Variants in TTC28 observed in about 807,000 individuals in gnomAD.
TTC28 encodes the protein tetratricopeptide repeat protein 28.
Under a neutral mutation model 198.0 loss-of-function variants are expected in TTC28, and 61 were observed. The observed-to-expected ratio is 0.31, with a 90% CI of 0.25 to 0.38. The LOEUF is 0.38. TTC28 is among the 10% of genes least tolerant of loss of function. The probability of loss-of-function intolerance (pLI) is 1.00; values close to 1 mark genes in which losing one functional copy is unlikely to be tolerated. For synonymous variants in TTC28, 1,171 were observed against 1,297.8 expected (o/e 0.90, Z 2.10); for missense variants, 2,678 against 3,164.0 (o/e 0.85, Z 3.69).
In TTC28 at chr22:27,981,471, C is replaced by G. The variant is rs1293817461; in HGVS notation, c.*750G>C. 2.0e-5 allele frequency: 3 copies of G among 151,816 alleles called. No homozygotes were observed. Among genetic ancestry groups the G allele is most frequent in the Non-Finnish European group, 2.9e-5 (2 of 67,948 alleles). The allele number at this position is 151,816 out of a possible 1,614,324, so 9.4% of individuals were successfully genotyped here. On this transcript the variant is annotated 3_prime_UTR_variant, in exon 23 of 23. Coordinates refer to ENST00000397906, the MANE Select transcript of TTC28 (RefSeq NM_001145418.2). ...ATAATGTTTTAAAAGCACAAAGTTGCATTTTAAATCACAATTGCATAGTTC... is the reference window on the plus strand; with the variant it reads ...ATAATGTTTTAAAAGCACAAAGTTGGATTTTAAATCACAATTGCATAGTTC...
At chr22:28,302,039 A>C (rs200442653) in intron 3 of TTC28, among the ~76,000 whole-genome samples, 1 of 145,572 alleles carries the variant, frequency 6.9e-6, no homozygotes, top group Admixed American at 6.9e-5. Flanking sequence ...TCCTGTCTCA[A>C]AATAATAATA....
intron 5 of TTC28, among the ~76,000 whole-genome samples, chr22:28,199,415 A>G (rs1601463813): frequency 9.0e-6 from 1 of 111,580 alleles, no homozygotes; most frequent in Admixed American, 9.2e-5. Flanking sequence ...ATATATATAT[A>G]TATATATGTA....
At chr22:28,059,881 G>A (rs1182388784) in intron 12 of TTC28, among the ~76,000 whole-genome samples, 1 of 138,346 alleles carries the variant, frequency 7.2e-6, no homozygotes, top group Non-Finnish European at 1.6e-5. Flanking sequence ...CCAGCCACCT[G>A]TATGATTACC....
rs1942362839 is a variant in TTC28, at chr22:28,107,894, G to C, written c.1951C>G (p.Gln651Glu). ...TGTTCGTAGTACTTCACTGCCTCCT[G>C]ATAGTTTCCAAGGCAGTAATGGGCA... ...GYAHYCLGNY[Q>E]EAVKYYEQDL... Residue 651 changes from glutamine to glutamate, a missense_variant, in exon 7 of 23, where the codon CAG (glutamine) becomes GAG (glutamate). By Grantham distance (29) the Gln-to-Glu change is conservative. Around this residue, in one of 8 missense-constraint regions of TTC28, gnomAD observed 775 missense variants for 845.9 expected, o/e 0.92. Coordinates refer to ENST00000397906, the MANE Select transcript of TTC28 (RefSeq NM_001145418.2). The C allele has an allele frequency of 6.4e-7, 1 of 1,551,648 alleles. No homozygotes were observed. The highest frequency in any genetic ancestry group is 8.7e-7 in the Non-Finnish European group (1 of 1,147,004).
At chr22:27,991,915 T>A (rs1010304498) in intron 19 of TTC28, among the ~76,000 whole-genome samples, 3 of 152,226 alleles carry the variant, frequency 2.0e-5, no homozygotes, top group African/African-American at 7.2e-5. Flanking sequence ...TGAGAGTTGC[T>A]CCTGGGTTCA....
intron 2 of TTC28, among the ~76,000 whole-genome samples, chr22:28,322,683 A>T (rs966612840): frequency 2.6e-5 from 4 of 152,242 alleles, no homozygotes; most frequent in Admixed American, 2.0e-4. Context: ...TCCTAGGCAC[A>T]TTAGTTATAT....
chr22:28,638,012 T>C (rs1477726669), intron 1 of TTC28, among the ~76,000 whole-genome samples: 1 of 152,160 alleles, frequency 6.6e-6, no homozygotes, highest in African/African-American at 2.4e-5. Context: ...GGTTTAATTA[T>C]AAATACATAT....
chr22:28,675,586 T>C (rs560018102), intron 1 of TTC28, among the ~76,000 whole-genome samples: 1 of 151,896 alleles, frequency 6.6e-6, no homozygotes, highest in African/African-American at 2.4e-5. Context: ...ACTCCATCTC[T>C]ACAGAAAATA....
At chr22:28,458,125 A>T (rs2047892832) in intron 2 of TTC28, among the ~76,000 whole-genome samples, 1 of 152,012 alleles carries the variant, frequency 6.6e-6, no homozygotes, top group African/African-American at 2.4e-5. Flanking sequence ...TTTACTAGGT[A>T]TAAAATATGT....
At chr22:28,647,968 T>TA (rs2051497644) in intron 1 of TTC28, among the ~76,000 whole-genome samples, 1 of 151,868 alleles carries the variant, frequency 6.6e-6, no homozygotes, top group African/African-American at 2.4e-5. Context: ...CTCACGCCTG[T>TA]AATCCCAGCA....
rs149603151 is a variant in TTC28, at chr22:28,132,946, G to A, written c.1442-24543C>T. 7.5e-3 allele frequency among the ~76,000 whole-genome samples: 1,148 copies of A among 152,280 alleles called. 7 individuals are homozygous for A. The highest frequency in any genetic ancestry group is 0.02 in the African/African-American group (813 of 41,542). On this transcript the variant is annotated intron_variant, in intron 6 of 22. Coordinates refer to ENST00000397906, the MANE Select transcript of TTC28 (RefSeq NM_001145418.2). ...AATATATGAGACATTTGTAATGGCCGGGCATGGTGGCTCACACCTGTAATC... is the reference window on the plus strand; with the variant it reads ...AATATATGAGACATTTGTAATGGCCAGGCATGGTGGCTCACACCTGTAATC...
chr22:28,108,438 A>T (rs1942388584), intron 6 of TTC28, 35 bp from the exon 7 acceptor site: 2 of 1,395,652 alleles, frequency 1.4e-6, no homozygotes, highest in African/African-American at 1.5e-5. Context: ...ACTAAGACTG[A>T]AATAACTGAT....
chr22:28,109,954 T>G (rs1942438747), intron 6 of TTC28, among the ~76,000 whole-genome samples: 1 of 152,212 alleles, frequency 6.6e-6, no homozygotes, highest in Admixed American at 6.5e-5. Context: ...CCCCAATTTG[T>G]GTATCTCTCT....
At chr22:28,483,494 T>G (rs963195066) in intron 2 of TTC28, among the ~76,000 whole-genome samples, 14 of 152,180 alleles carry the variant, frequency 9.2e-5, no homozygotes, top group Admixed American at 6.5e-4. Context: ...CCAAAGCACT[T>G]TCATCTTTCT....
Position 28,001,553 on chromosome 22 carries a change from C to T in TTC28, c.4219G>A (p.Gly1407Ser). Residue 1407 changes from glycine to serine, a missense_variant and splice_region_variant, in exon 15 of 23, where the codon GGC becomes AGC. Physicochemically the swap from Gly to Ser is moderately conservative, Grantham distance 56 (BLOSUM62 0). Coordinates refer to ENST00000397906, the MANE Select transcript of TTC28 (RefSeq NM_001145418.2). ...ACGGGGCCGCTGGAGTGCATCAGGC[C>T]CTATGGAGCAAGCACGGAGAGGCTG... ...YDLLIAPMEG[G>S]LMHSSGPVGR... is the part of the protein sequence containing the mutation. 1.9e-6 allele frequency: 3 copies of T among 1,548,844 alleles called. No homozygotes were observed. Among genetic ancestry groups the T allele is most frequent in the South Asian group, 1.2e-5 (1 of 84,014 alleles).
At chr22:28,004,181 T>C (rs909709769) in intron 14 of TTC28, among the ~76,000 whole-genome samples, 1 of 152,142 alleles carries the variant, frequency 6.6e-6, no homozygotes, top group African/African-American at 2.4e-5. Context: ...CAGATGCTGT[T>C]GCCAGGTGAG....
intron 6 of TTC28, among the ~76,000 whole-genome samples, chr22:28,154,636 G>A (rs896716945): frequency 3.9e-5 from 6 of 152,218 alleles, no homozygotes; most frequent in Non-Finnish European, 7.4e-5. Context: ...GATTACAGGC[G>A]TGAGCCACCA....
chr22:28,291,118 A>G (rs905322918), intron 5 of TTC28, among the ~76,000 whole-genome samples: 3 of 152,180 alleles, frequency 2.0e-5, no homozygotes, highest in Non-Finnish European at 4.4e-5. Flanking sequence ...TATAATTCCA[A>G]TAGACACCCC....
intron 2 of TTC28, among the ~76,000 whole-genome samples, chr22:28,420,783 T>C (rs922432127): frequency 1.3e-5 from 2 of 151,994 alleles, no homozygotes; most frequent in African/African-American, 4.8e-5. Flanking sequence ...TATTTTTTAA[T>C]AGAGATGGGG....
Sources: gnomAD v4.1 joint callset for allele counts (sites outside exome capture counted in the v4.1 genomes callset) on GRCh38, gnomAD v4.1.1 for gene constraint, gnomAD v4.1.1 regional missense constraint, MANE v1.5 for transcripts, NCBI Gene and HGNC (gene_info 2026-07-23, HGNC 2026-07-21) for gene names.